The following CPED1 variants were observed in gnomAD, a reference collection of about 807,000 sequenced individuals.
CPED1 encodes the protein cadherin-like and PC-esterase domain-containing protein 1.
In CPED1, 114 loss-of-function variants were observed where a neutral mutation model predicts 128.2. The ratio of observed to expected loss-of-function variants is 0.89; its 90% CI spans 0.76 to 1.04. CPED1 has a LOEUF of 1.04. Ranked by LOEUF, CPED1 falls within the 50% of genes least tolerant of loss-of-function variation. The pLI is 0.00. For synonymous variants in CPED1, 462 were observed against 426.7 expected, an observed-to-expected ratio of 1.08 and a Z score of -1.02; for missense variants, 1,211 against 1,207.1, an observed-to-expected ratio of 1.00 and a Z score of -0.05.
intron 16 of CPED1, among the ~76,000 whole-genome samples, chr7:121,205,916 C>T (rs1239708617): frequency 1.3e-5 from 2 of 151,990 alleles, no homozygotes; most frequent in Non-Finnish European, 2.9e-5. Flanking sequence ...TGATTTTGTT[C>T]CAAACATAGG....
At chr7:120,998,108 G>A (rs1052416118) in intron 2 of CPED1, among the ~76,000 whole-genome samples, 3 of 151,986 alleles carry the variant, frequency 2.0e-5, no homozygotes, top group African/African-American at 4.8e-5. Flanking sequence ...GCAAACCCCC[G>A]GAAACTCGAC....
chr7:121,010,840 C>T (rs1242519202), intron 2 of CPED1, among the ~76,000 whole-genome samples: 4 of 152,262 alleles, frequency 2.6e-5, no homozygotes, highest in Admixed American at 6.5e-5. Flanking sequence ...CCTTGCATAT[C>T]CAGAAACCTG....
At chr7:121,269,022 T>C (rs1792185417) in intron 21 of CPED1, among the ~76,000 whole-genome samples, 1 of 151,766 alleles carries the variant, frequency 6.6e-6, no homozygotes, top group Non-Finnish European at 1.5e-5. Context: ...GTTAAGGGAG[T>C]TTATATGGCT....
chr7:121,032,469 G>C (rs1792757763), intron 3 of CPED1, among the ~76,000 whole-genome samples: 1 of 148,126 alleles, frequency 6.8e-6, no homozygotes, highest in Non-Finnish European at 1.5e-5. Context: ...TGTCTCATAA[G>C]TAGGAGGTGA....
intron 18 of CPED1, among the ~76,000 whole-genome samples, chr7:121,264,639 A>C (rs1173155920): frequency 1.3e-5 from 2 of 152,066 alleles, no homozygotes; most frequent in Non-Finnish European, 2.9e-5. Context: ...GATTCTCGCT[A>C]AATTTTCTGC....
intron 18 of CPED1, among the ~76,000 whole-genome samples, chr7:121,248,198 A>G (rs904311738): frequency 2.0e-5 from 3 of 147,402 alleles, no homozygotes; most frequent in Admixed American, 6.8e-5. Context: ...ACATTCTCAG[A>G]GCACTAAGAG....
chr7:121,127,349 A>C, intron 10 of CPED1, 92 bp downstream of exon 10: 1 of 774,844 alleles, frequency 1.3e-6, no homozygotes, highest in Non-Finnish European at 2.1e-6. Context: ...CAACTTGATA[A>C]TTCACTTCAA....
intron 3 of CPED1, among the ~76,000 whole-genome samples, chr7:121,017,801 A>G (rs1271404798): frequency 6.6e-6 from 1 of 152,214 alleles, no homozygotes; most frequent in Non-Finnish European, 1.5e-5. Flanking sequence ...GCTTCCAAAT[A>G]TCAAGGAAGT....
At chr7:121,204,678 A>G (rs560631779) in intron 16 of CPED1, among the ~76,000 whole-genome samples, 71 of 152,146 alleles carry the variant, frequency 4.7e-4, no homozygotes, top group Non-Finnish European at 9.4e-4. Flanking sequence ...CCTGGATACA[A>G]TACTAGTTAA....
intron 2 of CPED1, among the ~76,000 whole-genome samples, chr7:121,011,411 G>C (rs956822925): frequency 6.6e-6 from 1 of 151,888 alleles, no homozygotes; most frequent in Non-Finnish European, 1.5e-5. Flanking sequence ...TGTCATTCTT[G>C]CTAGTATTTA....
intron 22 of CPED1, among the ~76,000 whole-genome samples, chr7:121,272,445 T>A (rs773273411): frequency 1.3e-5 from 2 of 152,012 alleles, no homozygotes; most frequent in African/African-American, 2.4e-5. Context: ...CAGTGGAACT[T>A]TATGGCTCCA....
At chr7:121,244,561 A>G (rs1798480486) in intron 18 of CPED1, among the ~76,000 whole-genome samples, 1 of 152,200 alleles carries the variant, frequency 6.6e-6, no homozygotes, top group African/African-American at 2.4e-5. Flanking sequence ...TGTTTGACAG[A>G]TGGAGGATAT....
intron 4 of CPED1, among the ~76,000 whole-genome samples, chr7:121,054,209 T>A (rs1210549538): frequency 1.3e-5 from 2 of 152,202 alleles, no homozygotes; most frequent in Non-Finnish European, 2.9e-5. Context: ...AAACATACAC[T>A]TGTATTTATT....
intron 2 of CPED1, among the ~76,000 whole-genome samples, chr7:121,010,052 G>A (rs1299029191): frequency 3.9e-5 from 6 of 152,030 alleles, no homozygotes; most frequent in Non-Finnish European, 8.8e-5. Flanking sequence ...ATACAACAAT[G>A]GCCAAAGCAG....
In CPED1 at chr7:121,288,953, A is replaced by G. The variant is rs1481505238; in HGVS notation, c.2869-6487A>G. On this transcript the variant is annotated intron_variant, in intron 22 of 22. Transcript: ENST00000310396. ...GCTCACTAATCTTGCTGTTGAGTAC[A>G]AACCTCCTCTAAAACTGACAAAACT... Among the ~76,000 whole-genome samples the G allele has an allele frequency of 5.3e-5, 8 of 152,364 alleles. No homozygotes were observed. In the East Asian group the frequency reaches 1.5e-3, roughly 29 times the overall value.
At chr7:120,994,004 T>C (rs1217709709) in intron 2 of CPED1, 2 of 284,228 alleles carry the variant, frequency 7.0e-6, no homozygotes, top group African/African-American at 2.3e-5. Flanking sequence ...TTTCAATCAG[T>C]ACTGTGAGTA....
chr7:121,176,078 G>A (rs1348074909), intron 16 of CPED1, among the ~76,000 whole-genome samples: 1 of 150,930 alleles, frequency 6.6e-6, no homozygotes, highest in Non-Finnish European at 1.5e-5. Context: ...ATTACTTGAG[G>A]AATTAGTCTA....
At position 121,128,477 on chromosome 7, in the gene CPED1, A is replaced by G. The variant is rs1216651900; in HGVS notation, c.1398A>G (p.Gln466=). 6.5e-7 allele frequency: 1 copy of G among 1,548,846 alleles called. No homozygotes were observed. Among genetic ancestry groups the G allele is most frequent in the Admixed American group, 1.7e-5 (1 of 59,886 alleles). ...TFIKELGSLG[Q]FQLLFPSTTP... The stretch of plus-strand genomic sequence containing the variant: ...TAAAGGAACTTGGAAGTCTGGGACA[A>G]TTCCAACTGGTAAAGCAAAAGTGAC... Residue 466 remains glutamine, a synonymous_variant, in exon 11 of 23, where the codon CAA becomes CAG. Coordinates refer to ENST00000310396, the MANE Select transcript of CPED1 (RefSeq NM_024913.5).
chr7:121,107,594 G>A (rs1045663310), intron 7 of CPED1, among the ~76,000 whole-genome samples: 1 of 151,904 alleles, frequency 6.6e-6, no homozygotes, highest in Non-Finnish European at 1.5e-5. Context: ...GTGGTATGTG[G>A]GTGCAAAGTA....
Sources: allele counts gnomAD v4.1 joint callset (sites outside exome capture counted in the v4.1 genomes callset), GRCh38; gene constraint gnomAD v4.1.1; transcripts MANE v1.5; gene names NCBI Gene and HGNC (gene_info 2026-07-23, HGNC 2026-07-21).